The following ADGRB3 variants were observed in gnomAD, a reference collection of about 807,000 sequenced individuals.
ADGRB3 encodes brain-specific angiogenesis inhibitor 3.
ADGRB3 carries 37 observed loss-of-function variants against 193.4 expected under a neutral mutation model. The ratio of observed to expected loss-of-function variants is 0.19; its 90% confidence interval spans 0.15 to 0.25. The LOEUF (loss-of-function observed/expected upper bound fraction) is 0.25. ADGRB3 is among the 10% of genes least tolerant of loss of function. The pLI is 1.00. For missense variants in ADGRB3, 1,637 were observed against 1,852.9 expected (o/e 0.88, Z 2.14); for synonymous variants, 690 against 644.2 (o/e 1.07, Z -1.08).
At chr6:69,080,336 G>T (rs956715668) in intron 17 of ADGRB3, among the ~76,000 whole-genome samples, 2 of 151,978 alleles carry the variant, frequency 1.3e-5, no homozygotes, top group African/African-American at 4.8e-5. Flanking sequence ...TATACAAAGT[G>T]TTACTATTAT....
chr6:69,282,629 T>C (rs1356913361), intron 20 of ADGRB3, among the ~76,000 whole-genome samples: 1 of 152,184 alleles, frequency 6.6e-6, no homozygotes, highest in African/African-American at 2.4e-5. Context: ...TTGGAAAATA[T>C]GTAAAATGAT....
In ADGRB3 at chr6:69,149,924, CTGTGTGTGTGTGTGTGTGTG is replaced by C. The variant is rs1167142377; in HGVS notation, c.2480+73918_2480+73937del. On this transcript the variant is annotated intron_variant, in intron 17 of 31. Transcript: ENST00000370598. The stretch of plus-strand genomic sequence containing the variant: ...TTTATCTCTCTCTCTGTCTGTCTTT[CTGTGTGTGTGTGTGTGTGTG>C]TGTGTGTGTGTGTGTGTGTGTGTGT... Among the ~76,000 whole-genome samples, 338 of 128,954 alleles carry C rather than the reference CTGTGTGTGTGTGTGTGTGTG, an allele frequency of 2.6e-3. 1 individual carries two copies. The highest frequency in any genetic ancestry group is 7.9e-3 in the Middle Eastern group (2 of 254). The allele number at this position is 128,954 out of a possible 152,430, so 84.6% of individuals were successfully genotyped here.
At chr6:68,750,699 C>T (rs184116457) in intron 3 of ADGRB3, among the ~76,000 whole-genome samples, 1 of 152,076 alleles carries the variant, frequency 6.6e-6, no homozygotes, top group Non-Finnish European at 1.5e-5. Context: ...CTACCATTGG[C>T]CAGTGAGGGT....
intron 20 of ADGRB3, among the ~76,000 whole-genome samples, chr6:69,239,561 A>G (rs1766342781): frequency 6.6e-6 from 1 of 152,034 alleles, no homozygotes; most frequent in African/African-American, 2.4e-5. Context: ...ATCTAATTGT[A>G]ACAGGATAGA....
chr6:68,810,305 T>C lies in ADGRB3; in HGVS notation c.758-120254T>C, dbSNP rs557054414. On this transcript the variant is annotated intron_variant, in intron 3 of 31. Transcript: ENST00000370598. ...TAATTTAAAGTATTCCACAAATCCT[T>C]CTGGAAACAATCACCACCAACCCCA... is the stretch of plus-strand genomic sequence containing the variant. 5.9e-5 allele frequency among the ~76,000 whole-genome samples: 9 copies of C among 152,252 alleles called. No individual in the cohort carries two copies. The South Asian group carries it at 1.9e-3, about 32-fold the overall frequency.
chr6:69,316,653 A>G (rs1480068138), intron 20 of ADGRB3, among the ~76,000 whole-genome samples: 1 of 151,476 alleles, frequency 6.6e-6, no homozygotes, highest in Admixed American at 6.6e-5. Flanking sequence ...CCTGCTGAAA[A>G]CATCCTATTA....
At chr6:69,260,687 T>C (rs1766904314) in intron 20 of ADGRB3, among the ~76,000 whole-genome samples, 1 of 152,168 alleles carries the variant, frequency 6.6e-6, no homozygotes, top group African/African-American at 2.4e-5. Flanking sequence ...AAACCATCTT[T>C]AGTTCCCATA....
chr6:69,144,466 T>G (rs1041203553), intron 17 of ADGRB3, among the ~76,000 whole-genome samples: 4 of 152,184 alleles, frequency 2.6e-5, no homozygotes, highest in African/African-American at 9.7e-5. Context: ...GTGGCAAAAG[T>G]GGGCATCCTT....
At chr6:69,298,067 T>G (rs1767867648) in intron 20 of ADGRB3, among the ~76,000 whole-genome samples, 1 of 152,130 alleles carries the variant, frequency 6.6e-6, no homozygotes, top group Non-Finnish European at 1.5e-5. Flanking sequence ...TAAATTACTT[T>G]TCCTTATAAA....
intron 17 of ADGRB3, among the ~76,000 whole-genome samples, chr6:69,104,537 A>G (rs1186963794): frequency 6.6e-6 from 1 of 151,762 alleles, no homozygotes; most frequent in East Asian, 1.9e-4. Flanking sequence ...TTAGTTTAGA[A>G]TTTTTGTTTT....
intron 16 of ADGRB3, among the ~76,000 whole-genome samples, chr6:69,071,320 C>G (rs996427913): frequency 1.3e-5 from 2 of 151,268 alleles, no homozygotes; most frequent in Non-Finnish European, 2.9e-5. Flanking sequence ...TCCAAATAAC[C>G]TATTTTATAA....
chr6:69,150,160 G>A (rs1001399814), intron 17 of ADGRB3, among the ~76,000 whole-genome samples: 1 of 152,112 alleles, frequency 6.6e-6, no homozygotes, highest in Non-Finnish European at 1.5e-5. Context: ...AGCAAGTGGT[G>A]AAGCCAGTCA....
At chr6:68,889,507 A>AT (rs10535990) in intron 3 of ADGRB3, among the ~76,000 whole-genome samples, 110 of 142,078 alleles carry the variant, frequency 7.7e-4, no homozygotes, top group East Asian at 4.1e-3. Context: ...TTTCTCTTTT[A>AT]TTTTTTTTTT....
chr6:68,652,165 G>T (rs889880479), intron 3 of ADGRB3, among the ~76,000 whole-genome samples: 3 of 152,002 alleles, frequency 2.0e-5, no homozygotes, highest in Non-Finnish European at 2.9e-5. Flanking sequence ...AATGCCTGCT[G>T]GGTAGCGTCC....
chr6:68,815,702 G>A (rs1022893157), intron 3 of ADGRB3, among the ~76,000 whole-genome samples: 2 of 151,146 alleles, frequency 1.3e-5, no homozygotes, highest in African/African-American at 4.9e-5. Context: ...TTGAAACTCA[G>A]CCAAAGCAAA....
intron 3 of ADGRB3, among the ~76,000 whole-genome samples, chr6:68,747,006 C>G (rs774113246): frequency 2.0e-5 from 3 of 152,024 alleles, no homozygotes; most frequent in Non-Finnish European, 4.4e-5. Context: ...GTTAAGGCAG[C>G]CTGCAGTAGT....
chr6:69,103,445 G>C (rs145743102), intron 17 of ADGRB3, among the ~76,000 whole-genome samples: 61 of 152,236 alleles, frequency 4.0e-4, no homozygotes, highest in African/African-American at 1.4e-3. Context: ...GTCATAACTA[G>C]AGTATGCCAA....
At chr6:68,903,065 GT>G (rs1488629739) in intron 3 of ADGRB3, among the ~76,000 whole-genome samples, 1 of 152,126 alleles carries the variant, frequency 6.6e-6, no homozygotes, top group African/African-American at 2.4e-5. Flanking sequence ...CTAGGACAAA[GT>G]TTAATAAACT....
intron 8 of ADGRB3, among the ~76,000 whole-genome samples, chr6:68,968,669 A>C (rs901216085): frequency 3.3e-5 from 5 of 152,348 alleles, no homozygotes; most frequent in African/African-American, 1.2e-4. Context: ...AGATTAGATT[A>C]ACTATTGCCA....
Sources: gnomAD v4.1 joint callset for allele counts (sites outside exome capture counted in the v4.1 genomes callset) on GRCh38, gnomAD v4.1.1 for gene constraint, MANE v1.5 for transcripts, NCBI Gene and HGNC (gene_info 2026-07-23, HGNC 2026-07-21) for gene names.